Variants in TPX2 observed in about 807,000 individuals in gnomAD.
TPX2 encodes targeting protein for Xklp2.
A neutral mutation model predicts 93.6 loss-of-function variants in TPX2; 21 were observed. The observed-to-expected ratio is 0.22, with a 90% CI of 0.16 to 0.32. TPX2 has a LOEUF of 0.32. Among genes scored for constraint, TPX2 ranks in the 10% least tolerant of loss-of-function variants. The pLI is 1.00. For synonymous variants in TPX2, 281 were observed against 298.3 expected (o/e 0.94, Z 0.60); for missense variants, 776 against 871.1 (o/e 0.89, Z 1.37).
intron 4 of TPX2, among the ~76,000 whole-genome samples, chr20:31,763,242 C>T (rs1028235844): frequency 4.6e-5 from 7 of 151,946 alleles, no homozygotes; most frequent in South Asian, 2.1e-4. Flanking sequence ...TGCAGTGGTG[C>T]GATCTTGGCT....
intron 15 of TPX2, among the ~76,000 whole-genome samples, chr20:31,795,014 G>T (rs2062128458): frequency 6.6e-6 from 1 of 151,924 alleles, no homozygotes; most frequent in African/African-American, 2.4e-5. Flanking sequence ...GTAGGGATGG[G>T]GTTTCACCGT....
intron 8 of TPX2, among the ~76,000 whole-genome samples, chr20:31,776,679 C>A (rs1247060821): frequency 6.6e-6 from 1 of 151,972 alleles, no homozygotes; most frequent in Non-Finnish European, 1.5e-5. Context: ...GGGTCCACCA[C>A]CACGTCTGGC....
At chr20:31,751,855 G>C (rs901322478) in intron 2 of TPX2, among the ~76,000 whole-genome samples, 5 of 152,138 alleles carry the variant, frequency 3.3e-5, no homozygotes, top group Non-Finnish European at 7.4e-5. Context: ...TGATTCTCCT[G>C]CCTCAGCCTC....
chr20:31,797,302 T>C, intron 15 of TPX2, 102 bp from the exon 16 acceptor site: 1 of 1,019,832 alleles, frequency 9.8e-7, no homozygotes, highest in Non-Finnish European at 1.5e-6. Context: ...AAATCTGCTA[T>C]TTTTATTGAT....
intron 7 of TPX2, among the ~76,000 whole-genome samples, chr20:31,773,948 T>G (rs1297801204): frequency 3.3e-5 from 5 of 152,086 alleles, no homozygotes; most frequent in African/African-American, 1.2e-4. Flanking sequence ...CTCAGCTTAC[T>G]GCAACCTCCG....
At chr20:31,773,023 T>G (rs1477622711) in intron 7 of TPX2, among the ~76,000 whole-genome samples, 1 of 146,990 alleles carries the variant, frequency 6.8e-6, no homozygotes, top group Non-Finnish European at 1.5e-5. Flanking sequence ...GTCACCCAGG[T>G]TGGAGTACAG....
At chr20:31,763,885 G>T (rs58878943) in intron 4 of TPX2, among the ~76,000 whole-genome samples, 1 of 151,198 alleles carries the variant, frequency 6.6e-6, no homozygotes, top group Non-Finnish European at 1.5e-5. Flanking sequence ...CGGGTGTGGT[G>T]GTGCGCACCT....
At chr20:31,771,860 A>G (rs2061966273) in intron 7 of TPX2, among the ~76,000 whole-genome samples, 178 bp downstream of exon 7, 1 of 151,974 alleles carries the variant, frequency 6.6e-6, no homozygotes, top group Non-Finnish European at 1.5e-5. Flanking sequence ...TATTTAATTA[A>G]TTAATTTTAA....
At chr20:31,799,454 A>G (rs562688023) in intron 17 of TPX2, among the ~76,000 whole-genome samples, 1 of 152,210 alleles carries the variant, frequency 6.6e-6, no homozygotes, top group African/African-American at 2.4e-5. Context: ...TCACACTACA[A>G]TAAGTGGATG....
In TPX2 at chr20:31,783,799, A is replaced by G. The variant is rs770633805; in HGVS notation, c.1291A>G (p.Ile431Val). 7 of 1,613,392 alleles carry G rather than the reference A, an allele frequency of 4.3e-6. No homozygotes were observed. Among genetic ancestry groups the G allele is most frequent in the African/African-American group, 2.7e-5 (2 of 74,884 alleles). Residue 431 changes from isoleucine to valine, a missense_variant, in exon 12 of 18, where the codon ATT becomes GTT. Physicochemically the swap from Ile to Val is conservative, Grantham distance 29 (BLOSUM62 3). This residue lies in a region of TPX2 where 461 missense variants were observed against 551.2 expected (regional missense o/e 0.84). Coordinates refer to ENST00000300403, the MANE Select transcript of TPX2 (RefSeq NM_012112.5). ...KPPVKPPTEP[I>V]GFDLEIEKRI... is the part of the protein sequence containing the mutation. ...ACCTGTGAAACCACCCACCGAGCCT[A>G]TTGGCTTTGATTTGGAAATTGAGAA... is the stretch of plus-strand genomic sequence containing the variant.
chr20:31,755,759 TC>T (rs992622738), intron 2 of TPX2, among the ~76,000 whole-genome samples: 7 of 148,020 alleles, frequency 4.7e-5, no homozygotes, highest in Admixed American at 2.0e-4. Flanking sequence ...AGACTCCGTC[TC>T]AAAAAAAAAA....
intron 5 of TPX2, among the ~76,000 whole-genome samples, chr20:31,767,018 T>C (rs892077661): frequency 5.3e-5 from 8 of 152,024 alleles, no homozygotes; most frequent in Non-Finnish European, 1.2e-4. Context: ...GCCAGGCTGG[T>C]CTCAAACTCC....
intron 2 of TPX2, among the ~76,000 whole-genome samples, chr20:31,756,513 G>A (rs2061853064): frequency 1.3e-5 from 2 of 151,878 alleles, no homozygotes; most frequent in South Asian, 4.2e-4. Flanking sequence ...GTAAATTGAG[G>A]GAAAATAATG....
chr20:31,746,847 A>G (rs1424750984), intron 2 of TPX2, among the ~76,000 whole-genome samples: 3 of 152,208 alleles, frequency 2.0e-5, no homozygotes, highest in African/African-American at 7.2e-5. Flanking sequence ...TTTGTCTGCA[A>G]TCTTCCTAAT....
intron 12 of TPX2, among the ~76,000 whole-genome samples, chr20:31,787,262 G>A (rs2062072970): frequency 6.7e-6 from 1 of 148,748 alleles, no homozygotes. Context: ...CTTAAACACT[G>A]TATTATTGTA....
intron 11 of TPX2, 129 bp downstream of exon 11, chr20:31,782,519 C>A: frequency 8.8e-7 from 1 of 1,139,030 alleles, no homozygotes; most frequent in Non-Finnish European, 1.2e-6. Context: ...GTAGGCTCTG[C>A]AGGCTACGCC....
At chr20:31,772,633 A>G (rs1190229864) in intron 7 of TPX2, among the ~76,000 whole-genome samples, 3 of 152,240 alleles carry the variant, frequency 2.0e-5, no homozygotes, top group African/African-American at 7.2e-5. Context: ...ACAATCAGTT[A>G]ATACAAAACC....
Position 31,763,526 on chromosome 20 carries a change from T to A in TPX2, c.230-3030T>A, listed in dbSNP as rs574867946. Among the ~76,000 whole-genome samples the A allele has an allele frequency of 2.6e-5, 4 of 152,174 alleles. No homozygotes were observed. In the South Asian group the frequency reaches 8.3e-4, roughly 32 times the overall value. ...TGTTGTATTCTTACTAATTTTTCTTTCCATTTGTTCCATCAATTAGAGAGA... is the reference window on the plus strand; with the variant it reads ...TGTTGTATTCTTACTAATTTTTCTTACCATTTGTTCCATCAATTAGAGAGA... On this transcript the variant is annotated intron_variant, in intron 4 of 17. Coordinates refer to ENST00000300403, the MANE Select transcript of TPX2 (RefSeq NM_012112.5).
intron 10 of TPX2, 29 bp from the exon 11 acceptor site, chr20:31,782,220 A>G (rs768731218): frequency 1.3e-6 from 2 of 1,588,662 alleles, no homozygotes; most frequent in East Asian, 2.3e-5. Flanking sequence ...TTGCGGATCT[A>G]GATGAACATC....
Sources: gnomAD v4.1 joint callset for allele counts (sites outside exome capture counted in the v4.1 genomes callset) on GRCh38, gnomAD v4.1.1 for gene constraint, gnomAD v4.1.1 regional missense constraint, MANE v1.5 for transcripts, NCBI Gene and HGNC (gene_info 2026-07-23, HGNC 2026-07-21) for gene names.